Variants in SOCS4 observed in about 807,000 individuals in gnomAD.
SOCS4 encodes suppressor of cytokine signaling 4, also known as SH2 domain containing SOCS box protein.
Under a neutral mutation model 34.1 loss-of-function variants are expected in SOCS4, and 20 were observed. The observed-to-expected ratio is 0.59, with a 90% confidence interval of 0.41 to 0.85. SOCS4 has a LOEUF of 0.85. Ranked by LOEUF, SOCS4 falls within the 40% of genes least tolerant of loss-of-function variation. SOCS4 has a pLI of 0.00. For synonymous variants in SOCS4, 180 were observed against 186.4 expected, an observed-to-expected ratio of 0.97 and a Z score of 0.28; for missense variants, 479 against 532.4, an observed-to-expected ratio of 0.90 and a Z score of 0.99.
At position 55,047,053 on chromosome 14, in the gene SOCS4, G is replaced by A. The variant is rs539717823; in HGVS notation, c.*2689G>A. On this transcript the variant is annotated 3_prime_UTR_variant, in exon 3 of 3. Transcript: ENST00000555846. ...AAATTTTATAACTGTTGAACAAAGG[G>A]AAGATTTGAACAGTGTAAATTCCAG... 1 of 167,058 alleles carries A rather than the reference G, an allele frequency of 6.0e-6. No homozygotes were observed. Among genetic ancestry groups the A allele is most frequent in the Admixed American group, 6.5e-5 (1 of 15,290 alleles). 10.3% of individuals were successfully genotyped at this position (167,058 alleles called of 1,614,324 possible).
intron 2 of SOCS4, among the ~76,000 whole-genome samples, chr14:55,035,960 A>C (rs1045051867): frequency 3.9e-5 from 6 of 152,042 alleles, no homozygotes; most frequent in Non-Finnish European, 5.9e-5. Flanking sequence ...TATGGCTATG[A>C]TTTAAAGAAA....
At chr14:55,037,796 T>C (rs10145268) in intron 2 of SOCS4, among the ~76,000 whole-genome samples, 78,196 of 152,110 alleles carry the variant, frequency 0.51, 21,878 homozygotes, top group African/African-American at 0.74. Context: ...GCCCGGCCCC[T>C]ACCTCCTTTT....
intron 2 of SOCS4, among the ~76,000 whole-genome samples, chr14:55,041,078 G>A (rs1257978951): frequency 6.6e-6 from 1 of 152,114 alleles, no homozygotes; most frequent in African/African-American, 2.4e-5. Flanking sequence ...GTTAGAGACA[G>A]GGTTTTGCCA....
chr14:55,028,387 C>T (rs2042490434), intron 1 of SOCS4, among the ~76,000 whole-genome samples: 1 of 151,964 alleles, frequency 6.6e-6, no homozygotes, highest in Admixed American at 6.6e-5. Context: ...AGCAGTGGTA[C>T]CAGAGATGAT....
At chr14:55,031,604 A>G (rs1379307148) in intron 1 of SOCS4, among the ~76,000 whole-genome samples, 1 of 152,168 alleles carries the variant, frequency 6.6e-6, no homozygotes, top group Non-Finnish European at 1.5e-5. Flanking sequence ...TAAGCAAACT[A>G]TAATTAGGAA....
intron 2 of SOCS4, among the ~76,000 whole-genome samples, chr14:55,037,847 G>C (rs568422855): frequency 1.3e-5 from 2 of 152,172 alleles, no homozygotes; most frequent in South Asian, 4.1e-4. Context: ...ATCTTTTCTT[G>C]ACTTGAAGTA....
chr14:55,042,854 TA>T lies in SOCS4; in HGVS notation c.-90-96del, dbSNP rs370656160. 7.7e-4 allele frequency: 424 copies of T among 551,578 alleles called. 6 individuals carry two copies. In the South Asian group the frequency reaches 0.01, roughly 13 times the overall value. The allele number at this position is 551,578 out of a possible 1,614,324, so 34.2% of individuals were successfully genotyped here. A position where few individuals can be genotyped will look rare whatever the true frequency, so the allele number is the denominator to read the frequency against. ...CTTCCAACATCTCTTTTTCATGTAC[TA>T]ACTGTGCTTTTCCCTCTTGTGTCTA... On this transcript the variant is annotated intron_variant, in intron 2 of 2. Coordinates refer to ENST00000555846, the MANE Select transcript of SOCS4 (RefSeq NM_199421.2).
In SOCS4 at chr14:55,041,783, C is replaced by CTTTT. The variant is rs35998700; in HGVS notation, c.-90-1146_-90-1143dup. On this transcript the variant is annotated intron_variant, in intron 2 of 2. Coordinates refer to ENST00000555846, the MANE Select transcript of SOCS4 (RefSeq NM_199421.2). ...CCACCGTGCCCAGCCAACCCTTAAT[C>CTTTT]TTTTTTTTTTTTTTTTTTTTTTTTT... 5.1e-3 allele frequency among the ~76,000 whole-genome samples: 204 copies of CTTTT among 40,086 alleles called. 24 individuals carry two copies. The highest frequency in any genetic ancestry group is 7.0e-3 in the African/African-American group (84 of 11,986). The allele number at this position is 40,086 out of a possible 152,430, so 26.3% of individuals were successfully genotyped here.
Position 55,047,185 on chromosome 14 carries a change from A to T in SOCS4, c.*2821A>T, listed in dbSNP as rs1436464860. On this transcript the variant is annotated 3_prime_UTR_variant, in exon 3 of 3. Transcript: ENST00000555846. ...TATTAAAATTAGGAATTTAGGCATT[A>T]CCTCAGGGAAAAGCCTTGACAGTGA... is the stretch of plus-strand genomic sequence containing the variant. The T allele has an allele frequency of 1.2e-5, 2 of 167,092 alleles. No individual in the cohort carries two copies. The highest frequency in any genetic ancestry group is 4.8e-5 in the African/African-American group (2 of 41,460). 10.4% of individuals were successfully genotyped at this position (167,092 alleles called of 1,614,324 possible). A position where few individuals can be genotyped will look rare whatever the true frequency, so the allele number is the denominator to read the frequency against.
At chr14:55,032,567 G>A (rs1382185593) in intron 2 of SOCS4, among the ~76,000 whole-genome samples, 1 of 151,888 alleles carries the variant, frequency 6.6e-6, no homozygotes, top group South Asian at 2.1e-4. Flanking sequence ...TACTCCCCAG[G>A]GCAATGTAAC....
At position 55,043,408 on chromosome 14, in the gene SOCS4, C is replaced by A; in HGVS notation, c.367C>A (p.His123Asn). Residue 123 changes from histidine to asparagine, a missense_variant, in exon 3 of 3, where the codon CAT becomes AAT. Transcript: ENST00000555846. ...SSGLPSKRKI[H>N]ISELMLDKCP... ...AGGGCTTCCGTCTAAAAGGAAAATTCATATCAGTGAACTCATGTTAGATAA... is the reference window on the plus strand; with the variant it reads ...AGGGCTTCCGTCTAAAAGGAAAATTAATATCAGTGAACTCATGTTAGATAA... 6.2e-7 allele frequency: 1 copy of A among 1,614,164 alleles called. No homozygotes were observed. The highest frequency in any genetic ancestry group is 8.5e-7 in the Non-Finnish European group (1 of 1,180,034).
At position 55,041,783 on chromosome 14, in the gene SOCS4, C is replaced by CTTTTTTTTTTT. The variant is rs35998700; in HGVS notation, c.-90-1153_-90-1143dup. Reference sequence around the variant, plus strand: ...CCACCGTGCCCAGCCAACCCTTAATCTTTTTTTTTTTTTTTTTTTTTTTTT... The same window carrying CTTTTTTTTTTT: ...CCACCGTGCCCAGCCAACCCTTAATCTTTTTTTTTTTTTTTTTTTTTTTTTTTTTTTTTTTT... On this transcript the variant is annotated intron_variant, in intron 2 of 2. Transcript: ENST00000555846. Among the ~76,000 whole-genome samples, 43 of 40,078 alleles carry CTTTTTTTTTTT rather than the reference C, an allele frequency of 1.1e-3. 6 individuals carry two copies. Among genetic ancestry groups the CTTTTTTTTTTT allele is most frequent in the Non-Finnish European group, 1.3e-3 (27 of 21,040 alleles). 26.3% of individuals were successfully genotyped at this position (40,078 alleles called of 152,430 possible).
rs115105527 is a variant in SOCS4, at chr14:55,044,048, A to G, written c.1007A>G (p.Glu336Gly). 20 of 1,614,136 alleles carry G rather than the reference A, an allele frequency of 1.2e-5. No homozygotes were observed. The highest frequency in any genetic ancestry group is 1.7e-5 in the Non-Finnish European group (20 of 1,179,996). ...RYSRSLHARI[E>G]QWNHNFSFDA... ...AGTCGTTCTCTTCATGCTAGAATTG[A>G]ACAGTGGAATCACAACTTTAGCTTT... The change falls in exon 3 of 3, where the codon GAA becomes GGA. Residue 336 changes from glutamate to glycine, a missense_variant. Coordinates refer to ENST00000555846, the MANE Select transcript of SOCS4 (RefSeq NM_199421.2).
chr14:55,041,061 T>C (rs1277784698), intron 2 of SOCS4, among the ~76,000 whole-genome samples: 1 of 152,044 alleles, frequency 6.6e-6, no homozygotes, highest in Non-Finnish European at 1.5e-5. Context: ...TAATTTTTTG[T>C]ATTTTTGTTA....
chr14:55,029,800 A>G (rs1356003132), intron 1 of SOCS4, among the ~76,000 whole-genome samples: 1 of 152,176 alleles, frequency 6.6e-6, no homozygotes, highest in Non-Finnish European at 1.5e-5. Context: ...GAAACTTACT[A>G]GCCTATTTAA....
Position 55,043,074 on chromosome 14 carries a change from T to A in SOCS4, c.33T>A (p.Asn11Lys), listed in dbSNP as rs2042633832. 1 of 1,608,726 alleles carries A rather than the reference T, an allele frequency of 6.2e-7. No homozygotes were observed. The highest frequency in any genetic ancestry group is 8.5e-7 in the Non-Finnish European group (1 of 1,177,256). MAENNENISK[N>K]VDVRPKTSRS... Reference sequence around the variant, plus strand: ...AAAATAATGAAAATATTAGTAAAAATGTAGATGTAAGGCCCAAAACTAGTC... The same window carrying A: ...AAAATAATGAAAATATTAGTAAAAAAGTAGATGTAAGGCCCAAAACTAGTC... The change falls in exon 3 of 3, where the codon AAT becomes AAA. Residue 11 changes from asparagine to lysine, a missense_variant. Asn to Lys is a moderately conservative substitution (Grantham distance 94). Coordinates refer to ENST00000555846, the MANE Select transcript of SOCS4 (RefSeq NM_199421.2).
At chr14:55,033,060 G>T (rs1418589199) in intron 2 of SOCS4, among the ~76,000 whole-genome samples, 1 of 152,178 alleles carries the variant, frequency 6.6e-6, no homozygotes, top group East Asian at 1.9e-4. Flanking sequence ...GGGATTACAG[G>T]TGTGAGCCAC....
chr14:55,047,288 A>C lies in SOCS4; in HGVS notation c.*2924A>C, dbSNP rs1434996225. 1 of 167,268 alleles carries C rather than the reference A, an allele frequency of 6.0e-6. No individual in the cohort carries two copies. 10.4% of individuals were successfully genotyped at this position (167,268 alleles called of 1,614,324 possible). A position where few individuals can be genotyped will look rare whatever the true frequency, so the allele number is the denominator to read the frequency against. Reference sequence around the variant, plus strand: ...CTTTGGGAATCATCCTGGGCTAATCAGGAAATAAACTTGACTTTTCTATTT... The same window carrying C: ...CTTTGGGAATCATCCTGGGCTAATCCGGAAATAAACTTGACTTTTCTATTT... On this transcript the variant is annotated 3_prime_UTR_variant, in exon 3 of 3. Coordinates refer to ENST00000555846, the MANE Select transcript of SOCS4 (RefSeq NM_199421.2).
chr14:55,031,666 C>T (rs961707113), intron 1 of SOCS4, among the ~76,000 whole-genome samples, 197 bp from the exon 2 acceptor site: 1 of 152,144 alleles, frequency 6.6e-6, no homozygotes, highest in African/African-American at 2.4e-5. Context: ...GCTACTAAAT[C>T]AATGATTCTT....
Sources: allele counts gnomAD v4.1 joint callset (sites outside exome capture counted in the v4.1 genomes callset), GRCh38; gene constraint gnomAD v4.1.1; transcripts MANE v1.5; gene names NCBI Gene and HGNC (gene_info 2026-07-23, HGNC 2026-07-21).